Variants in CHN2 observed in about 807,000 individuals in gnomAD.
CHN2 encodes beta-chimaerin.
CHN2 carries 35 observed loss-of-function variants against 56.3 expected under a neutral mutation model. The observed-to-expected ratio is 0.62, with a 90% CI of 0.47 to 0.82. CHN2 has a LOEUF of 0.82. CHN2 is among the 40% of genes least tolerant of loss of function. CHN2 has a pLI of 0.00. For missense variants in CHN2, 491 were observed against 580.5 expected (o/e 0.85, Z 1.58); for synonymous variants, 210 against 212.8 (o/e 0.99, Z 0.12).
At chr7:29,235,384 G>A (rs1334477797) in intron 1 of CHN2, among the ~76,000 whole-genome samples, 1 of 152,118 alleles carries the variant, frequency 6.6e-6, no homozygotes, top group East Asian at 1.9e-4. Flanking sequence ...TCAAAAAAAC[G>A]AGATGCTTGT....
chr7:29,405,212 C>CACACACACACACACACACAA, intron 6 of CHN2, among the ~76,000 whole-genome samples: 1 of 147,314 alleles, frequency 6.8e-6, no homozygotes, highest in East Asian at 1.9e-4. Context: ...CACACACACA[C>CACACACACACACACACACAA]ACACACACAC....
chr7:29,352,275 C>T (rs1239945761), intron 1 of CHN2, among the ~76,000 whole-genome samples: 1 of 152,022 alleles, frequency 6.6e-6, no homozygotes, highest in Non-Finnish European at 1.5e-5. Context: ...ATAGAGTAAA[C>T]CTCATCCAAA....
intron 1 of CHN2, among the ~76,000 whole-genome samples, chr7:29,278,212 T>TATGCC (rs1791386232): frequency 6.6e-6 from 1 of 152,286 alleles, no homozygotes; most frequent in Admixed American, 6.5e-5. Flanking sequence ...AAAAAGTACT[T>TATGCC]ATGCCTGGGT....
At chr7:29,359,505 G>A (rs1276608529) in intron 2 of CHN2, among the ~76,000 whole-genome samples, 1 of 152,090 alleles carries the variant, frequency 6.6e-6, no homozygotes, top group Non-Finnish European at 1.5e-5. Flanking sequence ...GTGATGCCAC[G>A]GGATGGCCTT....
At chr7:29,179,293 G>T (rs245915) in intron 2 of CHN2, among the ~76,000 whole-genome samples, 102,467 of 152,120 alleles carry the variant, frequency 0.67, 35,543 homozygotes, top group East Asian at 0.99. Flanking sequence ...CCCATCCCAC[G>T]CCAAGTCATG....
chr7:29,464,671 A>G (rs1785420051), intron 6 of CHN2, among the ~76,000 whole-genome samples: 1 of 152,222 alleles, frequency 6.6e-6, no homozygotes, highest in African/African-American at 2.4e-5. Context: ...ATGGCTACTC[A>G]TGATACACCC....
At chr7:29,460,348 C>G (rs2128137099) in intron 6 of CHN2, among the ~76,000 whole-genome samples, 1 of 152,278 alleles carries the variant, frequency 6.6e-6, no homozygotes, top group East Asian at 1.9e-4. Flanking sequence ...AATTCAGACC[C>G]ATCCAACATT....
chr7:29,496,145 G>A, intron 8 of CHN2, 109 bp downstream of exon 8: 2 of 828,744 alleles, frequency 2.4e-6, no homozygotes, highest in South Asian at 4.1e-5. Context: ...CAAAAGTCTA[G>A]CCTTCTGCAG....
In CHN2 at chr7:29,501,936, C is replaced by G. The variant is rs939139117; in HGVS notation, c.913+1896C>G. 2.0e-5 allele frequency among the ~76,000 whole-genome samples: 3 copies of G among 152,304 alleles called. No homozygotes were observed. The East Asian group carries it at 5.8e-4, about 29-fold the overall frequency. On this transcript the variant is annotated intron_variant, in intron 9 of 12. Coordinates refer to ENST00000222792, the MANE Select transcript of CHN2 (RefSeq NM_004067.4). ...AGTATGACCTTGGGCAAGTTGCTTACTACATTTGCATATCTGTTTCTTCAT... is the reference window on the plus strand; with the variant it reads ...AGTATGACCTTGGGCAAGTTGCTTAGTACATTTGCATATCTGTTTCTTCAT...
At chr7:29,322,200 C>G (rs1795410357) in intron 1 of CHN2, among the ~76,000 whole-genome samples, 2 of 152,194 alleles carry the variant, frequency 1.3e-5, no homozygotes, top group African/African-American at 4.8e-5. Flanking sequence ...ACATCGTTTC[C>G]TAAAGGCTCT....
At chr7:29,225,230 A>G (rs1376472256) in intron 1 of CHN2, among the ~76,000 whole-genome samples, 1 of 152,194 alleles carries the variant, frequency 6.6e-6, no homozygotes, top group Non-Finnish European at 1.5e-5. Flanking sequence ...TTAATCCATA[A>G]TTTGTCTAAA....
intron 3 of CHN2, among the ~76,000 whole-genome samples, chr7:29,368,494 G>C (rs1799356665): frequency 6.6e-6 from 1 of 152,136 alleles, no homozygotes; most frequent in South Asian, 2.1e-4. Context: ...TTCTCTGATT[G>C]TGTGGGATGC....
chr7:29,352,639 C>CCT (rs1165823853), intron 1 of CHN2, among the ~76,000 whole-genome samples: 1 of 152,076 alleles, frequency 6.6e-6, no homozygotes, highest in Non-Finnish European at 1.5e-5. Context: ...AGGAGAATTG[C>CCT]CTGAACCTAG....
intron 1 of CHN2, among the ~76,000 whole-genome samples, chr7:29,252,579 T>TTTTTTTTTTTTTGTTTTG (rs1788675053): frequency 2.9e-4 from 3 of 10,302 alleles, no homozygotes; most frequent in South Asian, 2.3e-3. Flanking sequence ...GCATTCTTTG[T>TTTTTTTTTTTTTGTTTTG]TTTTTTTTTT....
intron 6 of CHN2, 51 bp from the exon 7 acceptor site, chr7:29,480,228 G>A: frequency 6.2e-7 from 1 of 1,614,140 alleles, no homozygotes; most frequent in South Asian, 1.1e-5. Context: ...GAAGGTGGGT[G>A]TCAAAGGCGG....
At chr7:29,209,701 G>A (rs572979017) in intron 1 of CHN2, among the ~76,000 whole-genome samples, 19 of 152,158 alleles carry the variant, frequency 1.2e-4, no homozygotes, top group Non-Finnish European at 2.6e-4. Context: ...GCCCACTGCC[G>A]CTTGCTATGG....
At chr7:29,320,957 C>T (rs568672196) in intron 1 of CHN2, among the ~76,000 whole-genome samples, 1 of 152,326 alleles carries the variant, frequency 6.6e-6, no homozygotes, top group South Asian at 2.1e-4. Flanking sequence ...AGGTCCAATA[C>T]TAGGAGCAAT....
intron 2 of CHN2, among the ~76,000 whole-genome samples, chr7:29,362,848 C>CCCATCACTGGCATCTCCT (rs1338521290): frequency 8.5e-5 from 13 of 152,312 alleles, no homozygotes; most frequent in Admixed American, 2.6e-4. Context: ...ATGCATGTCC[C>CCCATCACTGGCATCTCCT]CCATCACTGG....
chr7:29,432,598 G>A (rs977283997), intron 6 of CHN2, among the ~76,000 whole-genome samples: 1 of 152,154 alleles, frequency 6.6e-6, no homozygotes, highest in Admixed American at 6.5e-5. Flanking sequence ...TGTGCTGGAA[G>A]GAATCAACAT....
Sources: allele counts gnomAD v4.1 joint callset (sites outside exome capture counted in the v4.1 genomes callset), GRCh38; gene constraint gnomAD v4.1.1; transcripts MANE v1.5; gene names NCBI Gene and HGNC (gene_info 2026-07-23, HGNC 2026-07-21).